Variants in SIM2 observed in about 807,000 individuals in gnomAD.
SIM2 encodes the protein single-minded homolog 2.
A neutral mutation model predicts 64.8 loss-of-function variants in SIM2; 28 were observed. That is an observed-to-expected ratio of 0.43 (90% CI 0.32 to 0.59). SIM2 has a LOEUF of 0.59. SIM2 is among the 20% of genes least tolerant of loss of function. SIM2 has a pLI of 0.07. For missense variants in SIM2, 847 were observed against 871.4 expected, an observed-to-expected ratio of 0.97 and a Z score of 0.35; for synonymous variants, 408 against 391.1, an observed-to-expected ratio of 1.04 and a Z score of -0.51.
At chr21:36,703,663 C>T (rs2088537468) in intron 1 of SIM2, among the ~76,000 whole-genome samples, 1 of 152,200 alleles carries the variant, frequency 6.6e-6, no homozygotes, top group Non-Finnish European at 1.5e-5. Context: ...TGGACATGGG[C>T]TCGAAATTGA....
chr21:36,719,262 G>T lies in SIM2; in HGVS notation c.349-559G>T, dbSNP rs539162153. On this transcript the variant is annotated intron_variant, in intron 3 of 10. Coordinates refer to ENST00000290399, the MANE Select transcript of SIM2 (RefSeq NM_005069.6). Reference sequence around the variant, plus strand: ...AGAGAGGCCTGGCAGCGCCTGAGGGGCACAGCTCAGAGTCGACGAAGAAAG... The same window carrying T: ...AGAGAGGCCTGGCAGCGCCTGAGGGTCACAGCTCAGAGTCGACGAAGAAAG... Among the ~76,000 whole-genome samples the T allele has an allele frequency of 5.9e-5, 9 of 152,380 alleles. No homozygotes were observed. The South Asian group carries it at 1.0e-3, about 18-fold the overall frequency.
chr21:36,736,853 T>TCCTCCCTCCCTCC (rs2089063244), intron 7 of SIM2, among the ~76,000 whole-genome samples: 1 of 25,770 alleles, frequency 3.9e-5, no homozygotes, highest in African/African-American at 9.2e-5. Flanking sequence ...TTCTTTTCTT[T>TCCTCCCTCCCTCC]CTTTCTTTTT....
intron 6 of SIM2, among the ~76,000 whole-genome samples, chr21:36,727,119 C>A (rs1169226971): frequency 2.0e-5 from 3 of 152,182 alleles, no homozygotes; most frequent in Non-Finnish European, 4.4e-5. Flanking sequence ...CTCACTGCAA[C>A]CTCTGCCTCA....
At chr21:36,733,109 C>G (rs2088992863) in intron 7 of SIM2, among the ~76,000 whole-genome samples, 2 of 152,206 alleles carry the variant, frequency 1.3e-5, no homozygotes, top group Admixed American at 1.3e-4. Context: ...CAGGAGAATG[C>G]TGGGGAGTTT....
chr21:36,717,295 T>G (rs1343968522), intron 3 of SIM2, among the ~76,000 whole-genome samples: 2 of 152,178 alleles, frequency 1.3e-5, no homozygotes, highest in South Asian at 2.1e-4. Flanking sequence ...GAAAAGAACT[T>G]CGAGCAAACC....
In SIM2 at chr21:36,731,162, C is replaced by T. The variant is rs372352643; in HGVS notation, c.850+11C>T. Reference sequence around the variant, plus strand: ...ACGCACACCACCTCCGTGAGTAGCACGCCCACCCCAGCCACGGGAGGTAGC... The same window carrying T: ...ACGCACACCACCTCCGTGAGTAGCATGCCCACCCCAGCCACGGGAGGTAGC... On this transcript the variant is annotated intron_variant, in intron 7 of 10. Coordinates refer to ENST00000290399, the MANE Select transcript of SIM2 (RefSeq NM_005069.6). 50 of 1,605,206 alleles carry T rather than the reference C, an allele frequency of 3.1e-5. No homozygotes were observed. The highest frequency in any genetic ancestry group is 1.5e-4 in the Admixed American group (9 of 59,940).
chr21:36,706,723 A>ACGGCCC (rs1449001807), intron 1 of SIM2, among the ~76,000 whole-genome samples: 3 of 152,204 alleles, frequency 2.0e-5, no homozygotes, highest in African/African-American at 7.2e-5. Flanking sequence ...TGGCAGCGCC[A>ACGGCCC]CGGCCCCGGG....
At chr21:36,732,604 T>C (rs1248441823) in intron 7 of SIM2, among the ~76,000 whole-genome samples, 1 of 152,230 alleles carries the variant, frequency 6.6e-6, no homozygotes, top group Non-Finnish European at 1.5e-5. Flanking sequence ...AGACGGCTTC[T>C]TCCTTGCTCC....
Position 36,745,459 on chromosome 21 carries a change from T to G in SIM2, c.1576+323T>G, listed in dbSNP as rs1170535749. 1.6e-6 allele frequency: 2 copies of G among 1,225,252 alleles called. No homozygotes were observed. Among genetic ancestry groups the G allele is most frequent in the South Asian group, 3.8e-5 (2 of 52,892 alleles). 75.9% of individuals were successfully genotyped at this position (1,225,252 alleles called of 1,614,324 possible). ...CAGTGATTTTCAAAACCAGCTCCCA[T>G]GTGCTGAGAACACCCCAGCTGCATT... On this transcript the variant is annotated intron_variant, in intron 10 of 10. Coordinates refer to ENST00000290399, the MANE Select transcript of SIM2 (RefSeq NM_005069.6). The surrounding 1 kb of genome is among the most constrained non-coding windows in gnomAD (Gnocchi z 4.8).
chr21:36,719,718 G>C, intron 3 of SIM2, 103 bp from the exon 4 acceptor site: 1 of 724,400 alleles, frequency 1.4e-6, no homozygotes, highest in East Asian at 2.5e-5. Context: ...AGAGATCAAA[G>C]TTCTGTTCCT....
chr21:36,725,973 C>T (rs182459188), intron 5 of SIM2, 146 bp from the exon 6 acceptor site: 36 of 636,872 alleles, frequency 5.7e-5, no homozygotes, highest in African/African-American at 3.6e-4. Context: ...AGCAATGAAC[C>T]GGTGCCTGTC....
At position 36,726,245 on chromosome 21, in the gene SIM2, G is replaced by A. The variant is rs891443962; in HGVS notation, c.670G>A (p.Glu224Lys). The A allele has an allele frequency of 3.7e-5, 59 of 1,613,598 alleles. No homozygotes were observed. Among genetic ancestry groups the A allele is most frequent in the Middle Eastern group, 1.6e-4 (1 of 6,084 alleles). ...GTCGCTGCCACCCAGTGCCATCACC[G>A]AGATCAAGCTGTACAGTAACATGTT... ...GQSLPPSAIT[E>K]IKLYSNMFMF... The change falls in exon 6 of 11, where the codon GAG (glutamate) becomes AAG (lysine). Residue 224 changes from glutamate to lysine, a missense_variant. By Grantham distance (56) the Glu-to-Lys change is moderately conservative (BLOSUM62 1). Coordinates refer to ENST00000290399, the MANE Select transcript of SIM2 (RefSeq NM_005069.6). This position sits in a 1 kb window ranked among gnomAD's most constrained non-coding sequence, Gnocchi z 4.5.
chr21:36,748,437 C>G lies in SIM2; in HGVS notation c.*345C>G, dbSNP rs2089268005. On this transcript the variant is annotated 3_prime_UTR_variant, in exon 11 of 11. Coordinates refer to ENST00000290399, the MANE Select transcript of SIM2 (RefSeq NM_005069.6). ...CCGCTGGGGGATTGAAGCGGTTTCA[C>G]TCCGCAAATATCCTCCACTTTCAGG... 6.5e-6 allele frequency: 1 copy of G among 154,390 alleles called. No homozygotes were observed. Among genetic ancestry groups the G allele is most frequent in the East Asian group, 1.9e-4 (1 of 5,364 alleles). 9.6% of individuals were successfully genotyped at this position (154,390 alleles called of 1,614,324 possible).
rs2088901237 is a variant in SIM2 at position 36,726,968 on chromosome 21, C to T, written c.743+650C>T. Among the ~76,000 whole-genome samples the T allele has an allele frequency of 6.6e-6, 1 of 152,222 alleles. No homozygotes were observed. On this transcript the variant is annotated intron_variant, in intron 6 of 10. Transcript: ENST00000290399. This position sits in a 1 kb window ranked among gnomAD's most constrained non-coding sequence, Gnocchi z 4.5. ...CTTCACTCTCCCCTAGAACCGGCTG[C>T]AGTCCCAGTTTTTTAACTGAGTCTG...
In SIM2 at chr21:36,719,894, C is replaced by T. The variant is rs142378405; in HGVS notation, c.422C>T (p.Thr141Met). 870 of 1,612,500 alleles carry T rather than the reference C, an allele frequency of 5.4e-4. 6 individuals are homozygous for T. The highest frequency in any genetic ancestry group is 2.3e-3 in the Middle Eastern group (14 of 6,058). ...CACGATGAGATGACCGCTGTCCTCA[C>T]GGCCCACCAGCCGCTGCACCACCAC... ...SDHDEMTAVL[T>M]AHQPLHHHLL... Residue 141 changes from threonine (T) to methionine (M), a missense_variant, in exon 4 of 11, where the codon ACG becomes ATG. Physicochemically the swap from Thr to Met is moderately conservative, Grantham distance 81. This residue lies in a region of SIM2 where 397 missense variants were observed against 439.2 expected (regional missense o/e 0.90). Coordinates refer to ENST00000290399, the MANE Select transcript of SIM2 (RefSeq NM_005069.6).
At chr21:36,744,305 T>C (rs2089199628) in intron 9 of SIM2, among the ~76,000 whole-genome samples, 1 of 89,648 alleles carries the variant, frequency 1.1e-5, no homozygotes, top group African/African-American at 5.6e-5. Flanking sequence ...GGCCTCCACA[T>C]TATGACAAAA....
chr21:36,716,603 C>G (rs1368726895), intron 3 of SIM2, among the ~76,000 whole-genome samples: 1 of 152,142 alleles, frequency 6.6e-6, no homozygotes, highest in Non-Finnish European at 1.5e-5. Flanking sequence ...CAAAACACCC[C>G]AGAGTAACGT....
Position 36,744,841 on chromosome 21 carries a change from C to T in SIM2, c.1281C>T (p.Ser427=). Reference sequence around the variant, plus strand: ...CAGAACTGCAGCCCCACTCAGAAAGCAGTGACCTTCTGTACACGCCATCCT... The same window carrying T: ...CAGAACTGCAGCCCCACTCAGAAAGTAGTGACCTTCTGTACACGCCATCCT... ...APPELQPHSE[S]SDLLYTPSYS... Residue 427 remains serine, a synonymous_variant, in exon 10 of 11, where the codon AGC becomes AGT. Transcript: ENST00000290399. 1.2e-6 allele frequency: 2 copies of T among 1,614,258 alleles called. No individual in the cohort carries two copies. The highest frequency in any genetic ancestry group is 1.7e-6 in the Non-Finnish European group (2 of 1,180,042).
intron 1 of SIM2, among the ~76,000 whole-genome samples, chr21:36,702,500 T>G (rs2088515745): frequency 6.6e-6 from 1 of 152,198 alleles, no homozygotes; most frequent in African/African-American, 2.4e-5. Context: ...GCCTTGGCCC[T>G]CAGTCAGTCT....
Sources: allele counts gnomAD v4.1 joint callset (sites outside exome capture counted in the v4.1 genomes callset), GRCh38; gene constraint gnomAD v4.1.1; regional missense constraint gnomAD v4.1.1; non-coding constraint Gnocchi (gnomAD v3.1); transcripts MANE v1.5; gene names NCBI Gene and HGNC (gene_info 2026-07-23, HGNC 2026-07-21).